Variants in TMEM164 observed in about 807,000 individuals in gnomAD.
TMEM164 encodes RP13-360B22.2.
In TMEM164, 4 loss-of-function variants were observed where a neutral mutation model predicts 18.8. That is an observed-to-expected ratio of 0.21 (90% confidence interval 0.10 to 0.49). The LOEUF (loss-of-function observed/expected upper bound fraction) is 0.49, where lower values mean the gene tolerates loss of function less well. Among genes scored for constraint, TMEM164 ranks in the 20% least tolerant of loss-of-function variants. TMEM164 has a pLI of 0.98. For missense variants in TMEM164, 108 were observed against 239.9 expected, an observed-to-expected ratio of 0.45 and a Z score of 3.63; for synonymous variants, 86 against 101.7, an observed-to-expected ratio of 0.85 and a Z score of 0.93.
intron 4 of TMEM164, among the ~76,000 whole-genome samples, chrX:110,109,375 A>C (rs2066259967): frequency 9.0e-6 from 1 of 111,425 alleles, no homozygotes; most frequent in African/African-American, 3.3e-5. Context: ...AAAATTAGCC[A>C]AGCATGGTGG....
intron 3 of TMEM164, among the ~76,000 whole-genome samples, chrX:110,090,633 C>T (rs1158370380): frequency 3.6e-5 from 4 of 111,554 alleles, no homozygotes; most frequent in South Asian, 3.7e-4. Flanking sequence ...TTTAAACATA[C>T]GGAAAAGTGA....
Position 110,003,606 on chromosome X carries a change from C to A in TMEM164, c.-169C>A. On this transcript the variant is annotated 5_prime_UTR_variant, in exon 2 of 7. Coordinates refer to ENST00000372068, the MANE Select transcript of TMEM164 (RefSeq NM_032227.4). ...GACAAGTTAGAGCCAGCACTTTACC[C>A]CGGGCCTTGCGTGTAGCTTCCCCTC... The A allele has an allele frequency of 1.8e-6, 1 of 550,749 alleles. No individual in the cohort carries two copies. Among genetic ancestry groups the A allele is most frequent in the Admixed American group, 3.9e-5 (1 of 25,684 alleles). The allele number at this position is 550,749 out of a possible 1,213,427, so 45.4% of individuals were successfully genotyped here.
intron 4 of TMEM164, among the ~76,000 whole-genome samples, chrX:110,138,006 C>T (rs1221246952): frequency 8.9e-6 from 1 of 112,065 alleles, no homozygotes; most frequent in Non-Finnish European, 1.9e-5. Flanking sequence ...ATCTGATAAA[C>T]ATACTAATGT....
chrX:110,120,904 C>A (rs1286318917), intron 4 of TMEM164, among the ~76,000 whole-genome samples: 1 of 111,890 alleles, frequency 8.9e-6, no homozygotes, highest in Non-Finnish European at 1.9e-5. Flanking sequence ...TGTGTGCAAC[C>A]AGGGCAGCTC....
At chrX:110,085,336 A>ATAT (rs760943540) in intron 3 of TMEM164, among the ~76,000 whole-genome samples, 5 of 80,658 alleles carry the variant, frequency 6.2e-5, no homozygotes, top group Admixed American at 1.2e-4. Context: ...AATTAAAAAA[A>ATAT]ATATATATAT....
chrX:110,143,736 C>T (rs771704701), intron 4 of TMEM164, among the ~76,000 whole-genome samples: 24 of 109,728 alleles, frequency 2.2e-4, no homozygotes, highest in African/African-American at 7.3e-4. Context: ...ATGTGCTTGC[C>T]CTGTGGGGAA....
intron 3 of TMEM164, among the ~76,000 whole-genome samples, chrX:110,090,664 C>T (rs1337476600): frequency 9.0e-6 from 1 of 111,447 alleles, no homozygotes; most frequent in African/African-American, 3.3e-5. Context: ...ACATAGAATA[C>T]TTGTATAGCT....
Position 110,176,295 on chromosome X carries a change from C to T in TMEM164, c.*2844C>T, listed in dbSNP as rs377113125. The T allele has an allele frequency of 7.9e-6, 6 of 756,396 alleles. No individual in the cohort carries two copies. Among genetic ancestry groups the T allele is most frequent in the Non-Finnish European group, 1.6e-6 (1 of 639,610 alleles). 62.3% of individuals were successfully genotyped at this position (756,396 alleles called of 1,213,427 possible). A position where few individuals can be genotyped will look rare whatever the true frequency, so the allele number is the denominator to read the frequency against. On this transcript the variant is annotated 3_prime_UTR_variant, in exon 7 of 7. Coordinates refer to ENST00000372068, the MANE Select transcript of TMEM164 (RefSeq NM_032227.4). ...AGCAGAGACCCAGTCACGCCTGCTT[C>T]TGGTCCTCCCTGCCCTCAGTATTTG...
At chrX:110,104,026 A>G (rs1333849836) in intron 3 of TMEM164, among the ~76,000 whole-genome samples, 1 of 111,949 alleles carries the variant, frequency 8.9e-6, no homozygotes. Context: ...GAAAAAGATT[A>G]AGAAAAGGTT....
intron 3 of TMEM164, among the ~76,000 whole-genome samples, chrX:110,096,805 C>G (rs1266272726): frequency 9.0e-6 from 1 of 111,653 alleles, no homozygotes; most frequent in African/African-American, 3.3e-5. Context: ...CCTATTCAGC[C>G]ATCTTGGACG....
In TMEM164 at chrX:110,118,562, C is replaced by T. The variant is rs765252893; in HGVS notation, c.507+9416C>T. On this transcript the variant is annotated intron_variant, in intron 4 of 6. Transcript: ENST00000372068. Reference sequence around the variant, plus strand: ...TCTGCTTTGCCATTCTCATTATTCCCGAGTTCTGAAGACCATAGTTTCCAC... The same window carrying T: ...TCTGCTTTGCCATTCTCATTATTCCTGAGTTCTGAAGACCATAGTTTCCAC... Among the ~76,000 whole-genome samples the T allele has an allele frequency of 2.7e-5, 3 of 111,229 alleles. No homozygotes were observed. The South Asian group carries it at 1.1e-3, about 42-fold the overall frequency.
intron 4 of TMEM164, among the ~76,000 whole-genome samples, chrX:110,130,109 G>C (rs992152835): frequency 8.9e-6 from 1 of 112,147 alleles, no homozygotes; most frequent in African/African-American, 3.2e-5. Flanking sequence ...TTCCAATGCT[G>C]ATCAGTTCCC....
chrX:110,147,962 C>T (rs1602708736), intron 5 of TMEM164, among the ~76,000 whole-genome samples: 2 of 110,517 alleles, frequency 1.8e-5, no homozygotes, highest in South Asian at 7.8e-4. Flanking sequence ...TCACTAGCTC[C>T]TGAAAGTGTC....
chrX:110,110,982 G>C (rs2066282800), intron 4 of TMEM164, among the ~76,000 whole-genome samples: 1 of 112,266 alleles, frequency 8.9e-6, no homozygotes, highest in Non-Finnish European at 1.9e-5. Flanking sequence ...GGACCCCAAA[G>C]CATCTTACAG....
intron 1 of TMEM164, 30 bp from the exon 2 acceptor site, chrX:110,003,469 CTT>C (rs66969246): frequency 0.03 from 5,600 of 184,527 alleles, 23 homozygotes; most frequent in East Asian, 0.086. Flanking sequence ...TTTGAGACCT[CTT>C]TTTTTTTTTT....
intron 2 of TMEM164, among the ~76,000 whole-genome samples, chrX:110,065,912 A>G (rs1421277028): frequency 8.9e-6 from 1 of 112,450 alleles, no homozygotes; most frequent in Non-Finnish European, 1.9e-5. Flanking sequence ...GAAGAAAACA[A>G]ACTTTCAGTT....
At chrX:110,045,840 G>A (rs915860761) in intron 2 of TMEM164, among the ~76,000 whole-genome samples, 2 of 111,762 alleles carry the variant, frequency 1.8e-5, no homozygotes, top group African/African-American at 6.5e-5. Context: ...GAGGAACAGA[G>A]ATGCCTTGAG....
chrX:110,124,176 A>AGGCAGGC (rs1556011981), intron 4 of TMEM164, among the ~76,000 whole-genome samples: 791 of 77,152 alleles, frequency 0.01, 21 homozygotes, highest in African/African-American at 0.037. Context: ...GGAAGGAAGG[A>AGGCAGGC]AGGCAGGAAG....
At chrX:110,155,483 C>T (rs2067004112) in intron 5 of TMEM164, among the ~76,000 whole-genome samples, 1 of 110,982 alleles carries the variant, frequency 9.0e-6, no homozygotes, top group African/African-American at 3.3e-5. Context: ...ATGTAGGCAA[C>T]ATCCTAGATC....
Sources: gnomAD v4.1 joint callset for allele counts (sites outside exome capture counted in the v4.1 genomes callset) on GRCh38, gnomAD v4.1.1 for gene constraint, MANE v1.5 for transcripts, NCBI Gene and HGNC (gene_info 2026-07-23, HGNC 2026-07-21) for gene names.